Variants in RTN1 observed in about 807,000 individuals in gnomAD.
RTN1 encodes the protein reticulon-1.
Under a neutral mutation model 65.5 loss-of-function variants are expected in RTN1, and 25 were observed. The ratio of observed to expected loss-of-function variants is 0.38; its 90% CI spans 0.28 to 0.53. The LOEUF is 0.53. RTN1 is among the 20% of genes least tolerant of loss of function. The pLI is 0.79. For missense variants in RTN1, 983 were observed against 1,025.4 expected (o/e 0.96, Z 0.57); for synonymous variants, 471 against 447.6 (o/e 1.05, Z -0.66).
intron 1 of RTN1, among the ~76,000 whole-genome samples, chr14:59,833,071 G>A (rs1887153972): frequency 6.6e-6 from 1 of 152,154 alleles, no homozygotes. Flanking sequence ...TTACAGTGTA[G>A]GGTGTCAAGA....
At position 59,748,754 on chromosome 14, in the gene RTN1, G is replaced by A. The variant is rs181542823; in HGVS notation, c.242-2273C>T. Among the ~76,000 whole-genome samples the A allele has an allele frequency of 3.4e-3, 500 of 146,974 alleles. 18 individuals carry two copies. In the East Asian group the frequency reaches 0.054, roughly 16 times the overall value. ...CTAAAACAGGGCCTGATGAATAGTA[G>A]GTACTCAATACATATTTGCAAAATA... On this transcript the variant is annotated intron_variant, in intron 1 of 8. Coordinates refer to ENST00000267484, the MANE Select transcript of RTN1 (RefSeq NM_021136.3).
intron 1 of RTN1, among the ~76,000 whole-genome samples, chr14:59,844,994 A>T (rs1048568409): frequency 2.0e-5 from 3 of 152,236 alleles, no homozygotes; most frequent in African/African-American, 7.2e-5. Flanking sequence ...ATAGTCAACC[A>T]GTAGAACTAG....
At chr14:59,712,804 G>A (rs1458414806) in intron 3 of RTN1, among the ~76,000 whole-genome samples, 1 of 151,696 alleles carries the variant, frequency 6.6e-6, no homozygotes, top group African/African-American at 2.4e-5. Context: ...CCAGCTACTT[G>A]GGAGGCTAAG....
chr14:59,611,612 G>C (rs1370687354), intron 3 of RTN1, among the ~76,000 whole-genome samples: 4 of 152,130 alleles, frequency 2.6e-5, no homozygotes, highest in Admixed American at 6.5e-5. Context: ...ACCATGGGGT[G>C]TCTGTGTCTG....
chr14:59,653,430 C>T (rs1304526739), intron 3 of RTN1, among the ~76,000 whole-genome samples: 1 of 152,018 alleles, frequency 6.6e-6, no homozygotes, highest in Non-Finnish European at 1.5e-5. Context: ...AGGAAATTTC[C>T]CCCAGATAGC....
In RTN1 at chr14:59,868,004, A is replaced by C. The variant is rs1887827754; in HGVS notation, c.241+2386T>G. Among the ~76,000 whole-genome samples the C allele has an allele frequency of 6.6e-6, 1 of 152,250 alleles. No individual in the cohort carries two copies. Among genetic ancestry groups the C allele is most frequent in the Non-Finnish European group, 1.5e-5 (1 of 68,036 alleles). On this transcript the variant is annotated intron_variant, in intron 1 of 8. Transcript: ENST00000267484. The surrounding 1 kb of genome is among the most constrained non-coding windows in gnomAD (Gnocchi z 4.0). ...CTGTTTATAAGCCAAAAAAAAGTAA[A>C]TTAAGAAATACAGTGTAAAGTAGTG...
At chr14:59,597,329 CG>C (rs1881432987) in intron 8 of RTN1, among the ~76,000 whole-genome samples, 2 of 152,168 alleles carry the variant, frequency 1.3e-5, no homozygotes, top group Non-Finnish European at 2.9e-5. Flanking sequence ...GTGTGGCATC[CG>C]GCAAGCTAAG....
At chr14:59,627,645 G>A (rs2140181986) in intron 3 of RTN1, among the ~76,000 whole-genome samples, 1 of 152,264 alleles carries the variant, frequency 6.6e-6, no homozygotes, top group African/African-American at 2.4e-5. Context: ...AAGCAGAATT[G>A]GTGTGATGTA....
intron 3 of RTN1, among the ~76,000 whole-genome samples, chr14:59,675,881 C>A (rs1883616828): frequency 6.6e-6 from 1 of 152,170 alleles, no homozygotes; most frequent in Admixed American, 6.5e-5. Context: ...CTATTAAGGG[C>A]ATGATCTGGG....
At chr14:59,729,298 A>T (rs1884849614) in intron 2 of RTN1, among the ~76,000 whole-genome samples, 1 of 152,206 alleles carries the variant, frequency 6.6e-6, no homozygotes, top group Admixed American at 6.5e-5. Context: ...CAGATCATGT[A>T]GGATCTCATG....
chr14:59,859,008 C>G (rs942208871), intron 1 of RTN1, among the ~76,000 whole-genome samples: 34 of 152,222 alleles, frequency 2.2e-4, no homozygotes, highest in African/African-American at 7.9e-4. Flanking sequence ...ATGGACTTTT[C>G]TTGACAAGGG....
rs769441452 is a variant in RTN1 at position 59,603,830 on chromosome 14, A to G, written c.2182+22T>C. 2.5e-6 allele frequency: 4 copies of G among 1,592,836 alleles called. No homozygotes were observed. The African/African-American group carries it at 4.0e-5, about 16-fold the overall frequency. ...TCACAGAGGGGGTGAAGGAAGACGT[A>G]TACAGTCTTATCTGCTCTTACCCAT... On this transcript the variant is annotated intron_variant, in intron 6 of 8. Coordinates refer to ENST00000267484, the MANE Select transcript of RTN1 (RefSeq NM_021136.3).
chr14:59,827,801 T>C (rs1449597426), intron 1 of RTN1, among the ~76,000 whole-genome samples: 1 of 152,212 alleles, frequency 6.6e-6, no homozygotes, highest in African/African-American at 2.4e-5. Flanking sequence ...ATCTACCCTT[T>C]GTAGTCAAAC....
intron 3 of RTN1, among the ~76,000 whole-genome samples, chr14:59,608,879 T>C (rs966344290): frequency 6.6e-6 from 1 of 152,042 alleles, no homozygotes; most frequent in African/African-American, 2.4e-5. Context: ...GTAGGACTGG[T>C]CCTACAAATA....
intron 1 of RTN1, among the ~76,000 whole-genome samples, chr14:59,818,383 T>A (rs1174565413): frequency 1.3e-5 from 2 of 152,208 alleles, no homozygotes; most frequent in African/African-American, 2.4e-5. Context: ...GAAGGCAAAC[T>A]GCCTGCCTTC....
At position 59,745,949 on chromosome 14, in the gene RTN1, G is replaced by A. The variant is rs1885211043; in HGVS notation, c.774C>T (p.Ser258=). 1.2e-6 allele frequency: 2 copies of A among 1,613,924 alleles called. No homozygotes were observed. The highest frequency in any genetic ancestry group is 1.3e-5 in the African/African-American group (1 of 74,876). The change falls in exon 2 of 9, where the codon TCC becomes TCT. Residue 258 remains serine, a synonymous_variant. Coordinates refer to ENST00000267484, the MANE Select transcript of RTN1 (RefSeq NM_021136.3). The part of the protein sequence containing the change: ...KIIKDHLLEE[S]TFAPYIDDLS... The stretch of plus-strand genomic sequence containing the variant: ...GATCATCTATGTATGGAGCAAATGT[G>A]GATTCTTCCAATAAATGGTCCTTGA...
chr14:59,788,919 ACC>A (rs1385557484), intron 1 of RTN1, among the ~76,000 whole-genome samples: 3 of 152,042 alleles, frequency 2.0e-5, no homozygotes, highest in African/African-American at 7.2e-5. Flanking sequence ...GGAAAAATTA[ACC>A]TCTTTATTTT....
intron 1 of RTN1, among the ~76,000 whole-genome samples, chr14:59,802,540 T>C (rs914964293): frequency 3.3e-5 from 5 of 152,248 alleles, no homozygotes; most frequent in African/African-American, 9.6e-5. Context: ...TTTTGGCCAT[T>C]AATACACATT....
rs1886825665 is a variant in RTN1, at chr14:59,816,608, G to C, written c.241+53782C>G. On this transcript the variant is annotated intron_variant, in intron 1 of 8. Coordinates refer to ENST00000267484, the MANE Select transcript of RTN1 (RefSeq NM_021136.3). This position sits in a 1 kb window ranked among gnomAD's most constrained non-coding sequence, Gnocchi z 4.3. ...CAAGATAAAATTAAGATGGGGTTCAGGGATGAGAAGTGGGGAGGATCATGC... is the reference window on the plus strand; with the variant it reads ...CAAGATAAAATTAAGATGGGGTTCACGGATGAGAAGTGGGGAGGATCATGC... Among the ~76,000 whole-genome samples, 1 of 152,202 alleles carries C rather than the reference G, an allele frequency of 6.6e-6. No individual in the cohort carries two copies. Among genetic ancestry groups the C allele is most frequent in the Non-Finnish European group, 1.5e-5 (1 of 68,030 alleles).
Sources: gnomAD v4.1 joint callset for allele counts (sites outside exome capture counted in the v4.1 genomes callset) on GRCh38, gnomAD v4.1.1 for gene constraint, Gnocchi (gnomAD v3.1) non-coding constraint, MANE v1.5 for transcripts, NCBI Gene and HGNC (gene_info 2026-07-23, HGNC 2026-07-21) for gene names.